The following KLHL29 variants were observed in gnomAD, a reference collection of about 807,000 sequenced individuals.
The protein encoded by KLHL29 is kelch like family member 29.
KLHL29 carries 21 observed loss-of-function variants against 80.4 expected under a neutral mutation model. The ratio of observed to expected loss-of-function variants is 0.26; its 90% CI spans 0.19 to 0.38. The LOEUF (loss-of-function observed/expected upper bound fraction) is 0.38. KLHL29 is among the 10% of genes least tolerant of loss of function. The pLI is 1.00. For synonymous variants in KLHL29, 511 were observed against 526.8 expected (o/e 0.97, Z 0.41); for missense variants, 867 against 1,223.9 (o/e 0.71, Z 4.35).
chr2:23,614,398 T>C (rs777796225), intron 3 of KLHL29, among the ~76,000 whole-genome samples: 4 of 151,978 alleles, frequency 2.6e-5, no homozygotes, highest in Admixed American at 6.6e-5. Flanking sequence ...ACATAGAACA[T>C]AGCCTCAAAA....
chr2:23,425,746 T>C (rs1662989232), intron 1 of KLHL29, among the ~76,000 whole-genome samples: 1 of 152,204 alleles, frequency 6.6e-6, no homozygotes, highest in Non-Finnish European at 1.5e-5. Flanking sequence ...GGCGACATCA[T>C]TTCTGAGAAC....
At chr2:23,469,587 A>G (rs1046249891) in intron 1 of KLHL29, among the ~76,000 whole-genome samples, 4 of 152,208 alleles carry the variant, frequency 2.6e-5, no homozygotes, top group South Asian at 2.1e-4. Flanking sequence ...TAAGAGCAAA[A>G]TCTGGAAGCA....
At chr2:23,551,485 A>C (rs1667123807) in intron 2 of KLHL29, among the ~76,000 whole-genome samples, 1 of 152,226 alleles carries the variant, frequency 6.6e-6, no homozygotes, top group Non-Finnish European at 1.5e-5. Context: ...TTTCCAAGAC[A>C]GGGAGATTGC....
intron 2 of KLHL29, among the ~76,000 whole-genome samples, chr2:23,530,855 C>T (rs1276717288): frequency 6.6e-6 from 1 of 152,140 alleles, no homozygotes; most frequent in African/African-American, 2.4e-5. Context: ...GGTTCTTGCC[C>T]CATCCCACCA....
At chr2:23,578,869 A>T (rs1486536944) in intron 3 of KLHL29, among the ~76,000 whole-genome samples, 1 of 152,216 alleles carries the variant, frequency 6.6e-6, no homozygotes, top group African/African-American at 2.4e-5. Flanking sequence ...AGTACTCAAC[A>T]GTCTACAGAT....
At chr2:23,686,018 G>A (rs1472038238) in intron 6 of KLHL29, among the ~76,000 whole-genome samples, 2 of 152,358 alleles carry the variant, frequency 1.3e-5, no homozygotes, top group Non-Finnish European at 2.9e-5. Flanking sequence ...ACCGCACATT[G>A]AAAGCCAGAC....
intron 2 of KLHL29, among the ~76,000 whole-genome samples, chr2:23,526,800 G>A (rs1290262159): frequency 6.6e-6 from 1 of 152,168 alleles, no homozygotes; most frequent in African/African-American, 2.4e-5. Context: ...TTGGTAGCTC[G>A]AAACGGCCAC....
chr2:23,473,789 G>A (rs925470041), intron 1 of KLHL29, among the ~76,000 whole-genome samples: 8 of 152,128 alleles, frequency 5.3e-5, no homozygotes, highest in Admixed American at 3.3e-4. Flanking sequence ...AGGGCCCTAC[G>A]CAATCAGGAT....
intron 3 of KLHL29, among the ~76,000 whole-genome samples, chr2:23,623,573 C>T (rs1418401664): frequency 6.6e-6 from 1 of 152,072 alleles, no homozygotes; most frequent in Non-Finnish European, 1.5e-5. Flanking sequence ...CTGGAGTCAT[C>T]GGAAAAGAAA....
intron 5 of KLHL29, among the ~76,000 whole-genome samples, chr2:23,646,581 G>A (rs567683269): frequency 3.9e-5 from 6 of 152,296 alleles, no homozygotes; most frequent in African/African-American, 1.2e-4. Flanking sequence ...TAGGGTGAGG[G>A]GTCATGAGGA....
rs1672840033 is a variant in KLHL29 at position 23,708,156 on chromosome 2, C to G, written c.*1492C>G. 1 of 152,244 alleles carries G rather than the reference C, an allele frequency of 6.6e-6. No homozygotes were observed. 9.4% of individuals were successfully genotyped at this position (152,244 alleles called of 1,614,324 possible). A position where few individuals can be genotyped will look rare whatever the true frequency, so the allele number is the denominator to read the frequency against. On this transcript the variant is annotated 3_prime_UTR_variant, in exon 14 of 14. Coordinates refer to ENST00000486442, the MANE Select transcript of KLHL29 (RefSeq NM_052920.2). The stretch of plus-strand genomic sequence containing the variant: ...GTTCAGTATTTGATGACACAAAATT[C>G]CAGTTCTAACGTTGGGCATCAACTT...
chr2:23,537,025 G>A (rs370071065), intron 2 of KLHL29, among the ~76,000 whole-genome samples: 2 of 151,812 alleles, frequency 1.3e-5, no homozygotes, highest in Admixed American at 6.6e-5. Context: ...CATTTTGTCC[G>A]TTACGTCCCT....
intron 2 of KLHL29, among the ~76,000 whole-genome samples, chr2:23,546,791 G>C (rs1330390186): frequency 1.3e-5 from 2 of 152,248 alleles, no homozygotes; most frequent in Non-Finnish European, 2.9e-5. Flanking sequence ...CACCAAGGCT[G>C]TGCCTGAATC....
intron 3 of KLHL29, among the ~76,000 whole-genome samples, chr2:23,594,160 T>C (rs1205880514): frequency 6.6e-6 from 1 of 152,198 alleles, no homozygotes; most frequent in East Asian, 1.9e-4. Context: ...GGGAAGGTTC[T>C]GTTTTCTCTG....
At position 23,694,538 on chromosome 2, in the gene KLHL29, T is replaced by C. The variant is rs200662725; in HGVS notation, c.1542+1010T>C. 3.9e-5 allele frequency among the ~76,000 whole-genome samples: 6 copies of C among 152,262 alleles called. No individual in the cohort carries two copies. The East Asian group carries it at 9.7e-4, about 25-fold the overall frequency. ...ACCCCTCCTCAGTTGCCTCGTCGAC[T>C]CCACAGGGGAAACTGTGCAGTCCTT... is the stretch of plus-strand genomic sequence containing the variant. On this transcript the variant is annotated intron_variant, in intron 8 of 13. Transcript: ENST00000486442.
intron 5 of KLHL29, among the ~76,000 whole-genome samples, chr2:23,663,335 A>G (rs1014211857): frequency 6.6e-6 from 1 of 152,164 alleles, no homozygotes; most frequent in Non-Finnish European, 1.5e-5. Flanking sequence ...CCCCAGCCCT[A>G]GAGCCCTTGG....
intron 1 of KLHL29, among the ~76,000 whole-genome samples, chr2:23,460,967 C>G (rs1022473600): frequency 2.0e-4 from 31 of 152,284 alleles, no homozygotes; most frequent in Admixed American, 6.5e-5. Flanking sequence ...GATATCATAC[C>G]AAGTATCTTG....
chr2:23,504,323 G>A (rs74528975), intron 2 of KLHL29, among the ~76,000 whole-genome samples: 4,706 of 152,246 alleles, frequency 0.031, 201 homozygotes, highest in African/African-American at 0.098. Context: ...AGCTCTGATC[G>A]CCCACCAGCC....
chr2:23,611,820 C>T (rs748127507), intron 3 of KLHL29, among the ~76,000 whole-genome samples: 2 of 147,988 alleles, frequency 1.4e-5, no homozygotes, highest in African/African-American at 5.0e-5. Context: ...TTTAAAAACC[C>T]AAATGTAAAT....
Sources: allele counts gnomAD v4.1 joint callset (sites outside exome capture counted in the v4.1 genomes callset), GRCh38; gene constraint gnomAD v4.1.1; transcripts MANE v1.5; gene names NCBI Gene and HGNC (gene_info 2026-07-23, HGNC 2026-07-21).